The following SVIL variants were observed in gnomAD, a reference collection of about 807,000 sequenced individuals.
SVIL encodes supervillin, also known as archvillin.
Under a neutral mutation model 240.4 loss-of-function variants are expected in SVIL, and 101 were observed. The ratio of observed to expected loss-of-function variants is 0.42; its 90% CI spans 0.36 to 0.50. The LOEUF (loss-of-function observed/expected upper bound fraction) is 0.50, where lower values mean the gene tolerates loss of function less well. Among genes scored for constraint, SVIL ranks in the 20% least tolerant of loss-of-function variants. The pLI is 0.01. For synonymous variants in SVIL, 999 were observed against 1,100.0 expected, an observed-to-expected ratio of 0.91 and a Z score of 1.82; for missense variants, 2,512 against 2,818.7, an observed-to-expected ratio of 0.89 and a Z score of 2.46.
chr10:29,508,948 A>T (rs1339276420), intron 17 of SVIL, among the ~76,000 whole-genome samples: 1 of 152,238 alleles, frequency 6.6e-6, no homozygotes, highest in Non-Finnish European at 1.5e-5. Context: ...AATAAACCGA[A>T]ATAGGGATGG....
chr10:29,579,251 C>T (rs528973509), intron 1 of SVIL, among the ~76,000 whole-genome samples: 4 of 152,018 alleles, frequency 2.6e-5, no homozygotes, highest in South Asian at 2.1e-4. Context: ...TCCTGGCTAA[C>T]GCGGTGAAAC....
chr10:29,484,768 G>T lies in SVIL; in HGVS notation c.4843C>A (p.Gln1615Lys), dbSNP rs1947234747. The T allele has an allele frequency of 6.2e-7, 1 of 1,613,678 alleles. No homozygotes were observed. The highest frequency in any genetic ancestry group is 2.2e-5 in the East Asian group (1 of 44,870). ...GCCAGCTGAAATGCTATTTTTCGTT[G>T]TGCTAATGTGACTTCTTTCCCATGC... ...VWHGKEVTLA[Q>K]RKIAFQLAKH... Residue 1615 changes from glutamine to lysine, a missense_variant, in exon 27 of 38, where the codon CAA becomes AAA. Coordinates refer to ENST00000355867, the MANE Select transcript of SVIL (RefSeq NM_021738.3). The surrounding 1 kb of genome is among the most constrained non-coding windows in gnomAD (Gnocchi z 4.7).
chr10:29,526,441 A>ACAC (rs1950924847), intron 13 of SVIL, among the ~76,000 whole-genome samples: 1 of 151,266 alleles, frequency 6.6e-6, no homozygotes, highest in Non-Finnish European at 1.5e-5. Flanking sequence ...AGTAGCTAGG[A>ACAC]TTACTGGCAC....
intron 2 of SVIL, among the ~76,000 whole-genome samples, chr10:29,677,724 A>G (rs1026571808): frequency 6.6e-6 from 1 of 152,168 alleles, no homozygotes; most frequent in Non-Finnish European, 1.5e-5. Flanking sequence ...ACCAGCGAGG[A>G]TACATTTTCA....
At chr10:29,459,952 A>G (rs1442615748) in intron 36 of SVIL, among the ~76,000 whole-genome samples, 1 of 152,106 alleles carries the variant, frequency 6.6e-6, no homozygotes, top group Admixed American at 6.5e-5. Context: ...TAGGCTAGGC[A>G]TGGAAGTGTG....
rs190782672 is a variant in SVIL, at chr10:29,500,304, C to T, written c.3517-1041G>A. 7.8e-4 allele frequency among the ~76,000 whole-genome samples: 118 copies of T among 152,156 alleles called. 2 individuals carry two copies. The South Asian group carries it at 0.012, about 16-fold the overall frequency. On this transcript the variant is annotated intron_variant, in intron 17 of 37. Transcript: ENST00000355867. ...GTCTTCAAGCCATCCCTCCCTGCAC[C>T]GCAAGACCCCTGTTTATGGCGAGGC... is the stretch of plus-strand genomic sequence containing the variant.
At chr10:29,471,319 C>T in intron 30 of SVIL, 76 bp from the exon 31 acceptor site, 3 of 1,154,788 alleles carry the variant, frequency 2.6e-6, no homozygotes, top group Non-Finnish European at 3.6e-6. Flanking sequence ...ATGCCTCTTG[C>T]AGAAAATCTG....
In SVIL at chr10:29,687,521, C is replaced by G. The variant is rs545299505; in HGVS notation, c.-399-870G>C. On this transcript the variant is annotated intron_variant, in intron 1 of 35. Transcript: ENST00000375400. ...AGCCTTGCCAACATGGCAAAACCCCCGTCTCTACCAAAAATACAAAAATTA... is the reference window on the plus strand; with the variant it reads ...AGCCTTGCCAACATGGCAAAACCCCGGTCTCTACCAAAAATACAAAAATTA... Among the ~76,000 whole-genome samples, 36 of 152,286 alleles carry G rather than the reference C, an allele frequency of 2.4e-4. No homozygotes were observed. In the South Asian group the frequency reaches 3.9e-3, roughly 17 times the overall value.
intron 2 of SVIL, among the ~76,000 whole-genome samples, chr10:29,674,970 A>C (rs1042473295): frequency 2.0e-5 from 3 of 152,184 alleles, no homozygotes; most frequent in African/African-American, 7.2e-5. Flanking sequence ...TCCCACCTGG[A>C]TAGTCCAGGA....
rs532946166 is a variant in SVIL, at chr10:29,491,797, T to G, written c.4020-778A>C. Among the ~76,000 whole-genome samples, 8 of 152,324 alleles carry G rather than the reference T, an allele frequency of 5.3e-5. No individual in the cohort carries two copies. The East Asian group carries it at 7.7e-4, about 15-fold the overall frequency. Reference sequence around the variant, plus strand: ...TATGTGTCTATCAATATGTTTAAATTATGATATACAACTACTTAAACAGTG... The same window carrying G: ...TATGTGTCTATCAATATGTTTAAATGATGATATACAACTACTTAAACAGTG... On this transcript the variant is annotated intron_variant, in intron 21 of 37. Transcript: ENST00000355867.
At chr10:29,503,275 A>G (rs943800883) in intron 17 of SVIL, among the ~76,000 whole-genome samples, 2 of 152,254 alleles carry the variant, frequency 1.3e-5, no homozygotes, top group Admixed American at 6.5e-5. Context: ...TGAAGAAAAG[A>G]TCACAGGTTA....
intron 1 of SVIL, among the ~76,000 whole-genome samples, chr10:29,694,403 A>G (rs1375251063): frequency 6.6e-6 from 1 of 152,036 alleles, no homozygotes; most frequent in Non-Finnish European, 1.5e-5. Flanking sequence ...CTGTCTCTTA[A>G]AAAAATAAAT....
intron 2 of SVIL, among the ~76,000 whole-genome samples, chr10:29,674,404 T>C (rs1219553512): frequency 6.6e-6 from 1 of 152,116 alleles, no homozygotes; most frequent in Admixed American, 6.5e-5. Context: ...CAAAAAGGAA[T>C]GAATTAGGCA....
At chr10:29,619,886 G>T (rs566509154) in intron 1 of SVIL, among the ~76,000 whole-genome samples, 72 of 152,086 alleles carry the variant, frequency 4.7e-4, no homozygotes, top group Non-Finnish European at 8.8e-4. Flanking sequence ...TTTTTTAAAT[G>T]TGGATTTTTT....
rs12269693 is a variant in SVIL, at chr10:29,501,860, G to A, written c.3517-2597C>T. On this transcript the variant is annotated intron_variant, in intron 17 of 37. Transcript: ENST00000355867. ...TGCCAAGAAAGTTGGCGTCTCCAAA[G>A]GTCCAGCCATCACTGTGGTGATTCA... 8.1e-3 allele frequency among the ~76,000 whole-genome samples: 1,239 copies of A among 152,294 alleles called. 18 individuals are homozygous for A. The highest frequency in any genetic ancestry group is 0.029 in the African/African-American group (1,197 of 41,560).
intron 2 of SVIL, among the ~76,000 whole-genome samples, chr10:29,677,702 C>T (rs1036114249): frequency 8.6e-5 from 13 of 152,028 alleles, no homozygotes; most frequent in South Asian, 2.1e-4. Flanking sequence ...ATTACAGGCA[C>T]GAGCCACTGT....
Position 29,458,550 on chromosome 10 carries a change from C to T in SVIL, c.6442G>A (p.Val2148Ile), listed in dbSNP as rs374673535. The T allele has an allele frequency of 2.2e-5, 35 of 1,612,126 alleles. No individual in the cohort carries two copies. The highest frequency in any genetic ancestry group is 1.1e-4 in the East Asian group (5 of 44,870). ...VSNQITLVED[V>I]LAKLCKTIYP... The stretch of plus-strand genomic sequence containing the variant: ...ATGGTTTTACAGAGCTTGGCTAAGA[C>T]GTCTTCCACGAGGGTGATCTGATTG... The change falls in exon 37 of 38, where the codon GTC (valine) becomes ATC (isoleucine). Residue 2148 changes from valine to isoleucine, a missense_variant. Physicochemically the swap from Val to Ile is conservative, Grantham distance 29. This residue lies in a region of SVIL where 797 missense variants were observed against 925.3 expected (regional missense o/e 0.86). Coordinates refer to ENST00000355867, the MANE Select transcript of SVIL (RefSeq NM_021738.3).
At chr10:29,642,827 G>A (rs1422167811) in intron 3 of SVIL, among the ~76,000 whole-genome samples, 3 of 152,028 alleles carry the variant, frequency 2.0e-5, no homozygotes, top group South Asian at 2.1e-4. Context: ...GGGACCTCAG[G>A]CACATACCAC....
In SVIL at chr10:29,660,274, G is replaced by A. The variant is rs545276485; in HGVS notation, c.-300-2206C>T. ...CAGTGAGCTACGATTGTACCACTGC[G>A]CTCCAGCTCGGGCAACAAAGCAACA... On this transcript the variant is annotated intron_variant, in intron 2 of 35. Transcript: ENST00000375400. 7.2e-5 allele frequency among the ~76,000 whole-genome samples: 11 copies of A among 152,070 alleles called. No individual in the cohort carries two copies. In the South Asian group the frequency reaches 8.3e-4, roughly 11 times the overall value.
Sources: allele counts gnomAD v4.1 joint callset (sites outside exome capture counted in the v4.1 genomes callset), GRCh38; gene constraint gnomAD v4.1.1; regional missense constraint gnomAD v4.1.1; non-coding constraint Gnocchi (gnomAD v3.1); transcripts MANE v1.5; gene names NCBI Gene and HGNC (gene_info 2026-07-23, HGNC 2026-07-21).